CRACD: variants seen among roughly 807,000 people sequenced by gnomAD.
The protein encoded by CRACD is capping protein-inhibiting regulator of actin dynamics.
CRACD carries 56 observed loss-of-function variants against 106.8 expected under a neutral mutation model. That is an observed-to-expected ratio of 0.52 (90% CI 0.42 to 0.66). The LOEUF is 0.66. Ranked by LOEUF, CRACD falls within the 30% of genes least tolerant of loss-of-function variation. The pLI is 0.00. For synonymous variants in CRACD, 754 were observed against 670.8 expected, an observed-to-expected ratio of 1.12 and a Z score of -1.92; for missense variants, 1,730 against 1,623.2, an observed-to-expected ratio of 1.07 and a Z score of -1.13.
At chr4:56,310,776 T>G in intron 6 of CRACD, 42 bp downstream of exon 6, 1 of 1,370,896 alleles carries the variant, frequency 7.3e-7, no homozygotes, top group East Asian at 2.3e-5. Flanking sequence ...CTTTCCTTAC[T>G]TAACTTTCAT....
chr4:56,163,752 C>CT (rs61293642), intron 1 of CRACD, among the ~76,000 whole-genome samples: 139 of 147,568 alleles, frequency 9.4e-4, no homozygotes, highest in African/African-American at 2.3e-3. Context: ...TTGTGTGTAT[C>CT]TTTTTTTTTT....
At chr4:56,116,060 A>G (rs1246138232) in intron 1 of CRACD, among the ~76,000 whole-genome samples, 1 of 152,210 alleles carries the variant, frequency 6.6e-6, no homozygotes, top group Non-Finnish European at 1.5e-5. Flanking sequence ...TGCTTTAACT[A>G]ACAAGCCTAG....
chr4:56,140,160 C>G (rs572397718), intron 1 of CRACD, among the ~76,000 whole-genome samples: 22 of 152,284 alleles, frequency 1.4e-4, no homozygotes, highest in African/African-American at 5.1e-4. Context: ...AGCTCCCTTC[C>G]CCTTTATCCC....
chr4:56,110,514 A>T (rs1435764768), intron 1 of CRACD, among the ~76,000 whole-genome samples: 1 of 152,202 alleles, frequency 6.6e-6, no homozygotes, highest in African/African-American at 2.4e-5. Flanking sequence ...AGAGCAGGGT[A>T]GTCCATATTT....
intron 2 of CRACD, among the ~76,000 whole-genome samples, chr4:56,184,691 T>TGAA (rs1737009412): frequency 1.3e-5 from 2 of 152,222 alleles, no homozygotes; most frequent in Non-Finnish European, 2.9e-5. Flanking sequence ...ATTACTTCTC[T>TGAA]GCTACCAACA....
At chr4:56,298,794 G>A (rs58015788) in intron 4 of CRACD, among the ~76,000 whole-genome samples, 32,941 of 152,002 alleles carry the variant, frequency 0.22, 4,151 homozygotes, top group East Asian at 0.63. Flanking sequence ...TTAGCTGGAT[G>A]TGGTGGCACA....
At chr4:56,296,921 T>G (rs1287349728) in intron 3 of CRACD, among the ~76,000 whole-genome samples, 1 of 31,898 alleles carries the variant, frequency 3.1e-5, no homozygotes, top group African/African-American at 9.9e-5. Context: ...TTTTTGTTTG[T>G]TTTTTTTTTT....
At chr4:56,205,309 G>A (rs975395701) in intron 2 of CRACD, among the ~76,000 whole-genome samples, 8 of 152,022 alleles carry the variant, frequency 5.3e-5, no homozygotes, top group Non-Finnish European at 1.2e-4. Context: ...TGTTCCTACT[G>A]TGAAATTATA....
At chr4:56,321,307 C>T (rs2109792595) in intron 8 of CRACD, 1 of 169,160 alleles carries the variant, frequency 5.9e-6, no homozygotes, top group Non-Finnish European at 1.3e-5. Context: ...CACATTGCAC[C>T]CAGCTGTTCC....
At chr4:56,186,960 C>T (rs543627001) in intron 2 of CRACD, among the ~76,000 whole-genome samples, 8 of 151,912 alleles carry the variant, frequency 5.3e-5, no homozygotes, top group Non-Finnish European at 1.2e-4. Context: ...CAGCTACTCA[C>T]AGGGAGACTG....
chr4:56,199,907 T>A (rs543388037), intron 2 of CRACD, among the ~76,000 whole-genome samples: 1 of 152,134 alleles, frequency 6.6e-6, no homozygotes, highest in South Asian at 2.1e-4. Flanking sequence ...GGGAATAGTG[T>A]CTCTTTCCAT....
chr4:56,311,944 T>C (rs1247201823), intron 6 of CRACD, among the ~76,000 whole-genome samples: 1 of 152,190 alleles, frequency 6.6e-6, no homozygotes, highest in African/African-American at 2.4e-5. Flanking sequence ...TCACGATCTC[T>C]CTGATCTTTC....
intron 2 of CRACD, among the ~76,000 whole-genome samples, chr4:56,197,899 G>A (rs1472799670): frequency 6.6e-6 from 1 of 152,030 alleles, no homozygotes; most frequent in Admixed American, 6.6e-5. Context: ...GGATGGTCTC[G>A]ATCTCCTGAC....
chr4:56,219,255 C>A (rs1236518448), intron 2 of CRACD, among the ~76,000 whole-genome samples: 1 of 152,138 alleles, frequency 6.6e-6, no homozygotes, highest in Non-Finnish European at 1.5e-5. Flanking sequence ...GGTTATGAAG[C>A]AAATTTGAGA....
intron 1 of CRACD, among the ~76,000 whole-genome samples, chr4:56,136,645 A>T (rs1308629911): frequency 6.6e-6 from 1 of 152,182 alleles, no homozygotes; most frequent in Non-Finnish European, 1.5e-5. Flanking sequence ...CATAATCTAG[A>T]TACAAGCATT....
intron 1 of CRACD, among the ~76,000 whole-genome samples, chr4:56,091,245 A>G (rs760543110): frequency 2.6e-5 from 4 of 152,014 alleles, no homozygotes; most frequent in Non-Finnish European, 5.9e-5. Flanking sequence ...AGATAGAGAC[A>G]CTATCTTTTC....
intron 3 of CRACD, among the ~76,000 whole-genome samples, chr4:56,294,881 T>C (rs1191941526): frequency 8.2e-6 from 1 of 121,318 alleles, no homozygotes; most frequent in Non-Finnish European, 1.6e-5. Flanking sequence ...GCCACTGCAC[T>C]CCAGCCTGGG....
intron 1 of CRACD, among the ~76,000 whole-genome samples, chr4:56,165,957 C>T (rs1445550043): frequency 2.0e-5 from 3 of 152,234 alleles, no homozygotes; most frequent in African/African-American, 7.2e-5. Context: ...AACTCTTGGG[C>T]TTAAGCAGTC....
chr4:56,260,499 C>T (rs961522515), intron 2 of CRACD, among the ~76,000 whole-genome samples: 3 of 152,114 alleles, frequency 2.0e-5, no homozygotes, highest in Admixed American at 6.5e-5. Context: ...ATGATCTTTT[C>T]GATGTGTCAA....
Sources: allele counts gnomAD v4.1 joint callset (sites outside exome capture counted in the v4.1 genomes callset), GRCh38; gene constraint gnomAD v4.1.1; transcripts MANE v1.5; gene names NCBI Gene and HGNC (gene_info 2026-07-23, HGNC 2026-07-21).